Variants in FIRRM observed in about 807,000 individuals in gnomAD.
The protein encoded by FIRRM is FIGNL1 interacting regulator of recombination and mitosis.
chr1:169,801,698 A>G, the FIRRM span, among the ~76,000 whole-genome samples: 1 of 151,936 alleles, frequency 6.6e-6, no homozygotes, highest in East Asian at 1.9e-4. Flanking sequence ...TTTTAGATAT[A>G]TATGGTATAT....
the FIRRM span, among the ~76,000 whole-genome samples, chr1:169,791,163 G>A: frequency 6.6e-6 from 1 of 152,216 alleles, no homozygotes; most frequent in Non-Finnish European, 1.5e-5. Context: ...CCACGGACCA[G>A]TACTGGTCCA....
the FIRRM span, among the ~76,000 whole-genome samples, chr1:169,847,313 TAAAAAAAAAAAAAAAAA>T: frequency 8.1e-5 from 7 of 86,336 alleles, no homozygotes; most frequent in East Asian, 7.5e-4. Flanking sequence ...CTTATATTTC[TAAAAAAAAAAAAAAAAA>T]AAAAAAAAAA....
At chr1:169,831,230 A>G in the FIRRM span, among the ~76,000 whole-genome samples, 2 of 152,212 alleles carry the variant, frequency 1.3e-5, no homozygotes, top group African/African-American at 4.8e-5. Context: ...ATGGGTACAG[A>G]CAGAAAATTA....
At chr1:169,822,499 T>C in the FIRRM span, among the ~76,000 whole-genome samples, 1 of 152,192 alleles carries the variant, frequency 6.6e-6, no homozygotes, top group African/African-American at 2.4e-5. Flanking sequence ...TGACAACTTT[T>C]CTATTTATTA....
the FIRRM span, among the ~76,000 whole-genome samples, chr1:169,820,039 C>A: frequency 6.6e-6 from 1 of 152,122 alleles, no homozygotes; most frequent in African/African-American, 2.4e-5. Flanking sequence ...AACATGAACC[C>A]CCAAATTCCT....
At chr1:169,792,283 G>A in the FIRRM span, among the ~76,000 whole-genome samples, 3 of 152,238 alleles carry the variant, frequency 2.0e-5, no homozygotes, top group Non-Finnish European at 4.4e-5. Context: ...GGATTTCCTG[G>A]GAACAATTTC....
the FIRRM span, among the ~76,000 whole-genome samples, chr1:169,822,808 T>C: frequency 2.0e-5 from 3 of 152,178 alleles, no homozygotes; most frequent in African/African-American, 7.2e-5. Flanking sequence ...TCGACAACTT[T>C]TCTATTTTAC....
chr1:169,822,122 G>A, the FIRRM span, among the ~76,000 whole-genome samples: 2 of 152,274 alleles, frequency 1.3e-5, no homozygotes, highest in Middle Eastern at 3.4e-3. Flanking sequence ...ATATCAGATG[G>A]GTAACAACTA....
At chr1:169,807,850 C>T in the FIRRM span, 1 of 1,609,130 alleles carries the variant, frequency 6.2e-7, no homozygotes, top group Non-Finnish European at 8.5e-7. Context: ...GATATAATTA[C>T]TAGCTTGTGT....
the FIRRM span, chr1:169,842,608 AAT>A: frequency 6.4e-7 from 1 of 1,559,322 alleles, no homozygotes; most frequent in Non-Finnish European, 8.7e-7. Context: ...ATTGTACTGA[AAT>A]TTTCCAGTGT....
the FIRRM span, among the ~76,000 whole-genome samples, chr1:169,791,011 C>T: frequency 2.0e-5 from 3 of 152,180 alleles, no homozygotes; most frequent in Non-Finnish European, 2.9e-5. Flanking sequence ...AAGCTAGATC[C>T]CTCACACATG....
the FIRRM span, among the ~76,000 whole-genome samples, chr1:169,811,793 TTATCTAAATAGATAATAGACAG>T: frequency 7.1e-6 from 1 of 140,642 alleles, no homozygotes; most frequent in Non-Finnish European, 1.5e-5. Flanking sequence ...AATAGACAGA[TTATCTAAATAGATAATAGACAG>T]ATTATCTATC....
chr1:169,796,077 A>T, the FIRRM span: 1 of 547,348 alleles, frequency 1.8e-6, no homozygotes, highest in Non-Finnish European at 2.3e-6. Flanking sequence ...CACTTGAGAG[A>T]ATCTCAATAC....
chr1:169,836,422 C>T, the FIRRM span, among the ~76,000 whole-genome samples: 132 of 152,274 alleles, frequency 8.7e-4, 3 homozygotes, highest in East Asian at 0.018. Context: ...CTTTGTGAAA[C>T]TGATTTAGTA....
the FIRRM span, chr1:169,829,347 G>A: frequency 6.2e-7 from 1 of 1,613,872 alleles, no homozygotes; most frequent in South Asian, 1.1e-5. Context: ...AGGGATTAAA[G>A]AGTAAGGGGA....
At chr1:169,819,996 C>T in the FIRRM span, among the ~76,000 whole-genome samples, 1 of 152,150 alleles carries the variant, frequency 6.6e-6, no homozygotes, top group Non-Finnish European at 1.5e-5. Flanking sequence ...TTTGAGCTTG[C>T]AAAGGCTCAA....
chr1:169,842,364 G>T, the FIRRM span: 2 of 1,555,146 alleles, frequency 1.3e-6, no homozygotes, highest in Non-Finnish European at 8.7e-7. Flanking sequence ...GGCTCTTGGT[G>T]GTGCTTTAGA....
At chr1:169,836,230 T>C in the FIRRM span, among the ~76,000 whole-genome samples, 1 of 152,202 alleles carries the variant, frequency 6.6e-6, no homozygotes, top group Non-Finnish European at 1.5e-5. Flanking sequence ...TTTACCATTT[T>C]TCTACCAAAA....
At chr1:169,788,956 A>T in the FIRRM span, among the ~76,000 whole-genome samples, 1 of 152,200 alleles carries the variant, frequency 6.6e-6, no homozygotes, top group African/African-American at 2.4e-5. Flanking sequence ...ATTCCTTGAA[A>T]AGGCAGAAAT....
Sources: gnomAD v4.1 joint callset for allele counts (sites outside exome capture counted in the v4.1 genomes callset) on GRCh38, gnomAD v4.1.1 for gene constraint, MANE v1.5 for transcripts, NCBI Gene and HGNC (gene_info 2026-07-23, HGNC 2026-07-21) for gene names.